Variants in GDI2 observed in about 807,000 individuals in gnomAD.
GDI2 encodes GDP dissociation inhibitor 2.
In GDI2, 22 loss-of-function variants were observed where a neutral mutation model predicts 54.2. The ratio of observed to expected loss-of-function variants is 0.41; its 90% CI spans 0.29 to 0.58. The LOEUF is 0.58. Among genes scored for constraint, GDI2 ranks in the 20% least tolerant of loss-of-function variants. The pLI is 0.35. For missense variants in GDI2, 422 were observed against 546.0 expected, an observed-to-expected ratio of 0.77 and a Z score of 2.26; for synonymous variants, 177 against 182.1, an observed-to-expected ratio of 0.97 and a Z score of 0.23.
rs151066416 is a variant in GDI2, at chr10:5,797,345, G to A, written c.154-483C>T. On this transcript the variant is annotated intron_variant, in intron 2 of 10. Coordinates refer to ENST00000380191, the MANE Select transcript of GDI2 (RefSeq NM_001494.4). Reference sequence around the variant, plus strand: ...GTGGATCAGGAGGTCAGGAGTACAAGAAAAGCCAGGCCAAGATGGTGAAAC... The same window carrying A: ...GTGGATCAGGAGGTCAGGAGTACAAAAAAAGCCAGGCCAAGATGGTGAAAC... Among the ~76,000 whole-genome samples, 563 of 152,138 alleles carry A rather than the reference G, an allele frequency of 3.7e-3. 3 individuals are homozygous for A. The highest frequency in any genetic ancestry group is 5.8e-3 in the Admixed American group (89 of 15,280).
intron 6 of GDI2, among the ~76,000 whole-genome samples, chr10:5,781,687 T>A (rs190475510): frequency 0.022 from 3,346 of 148,806 alleles, 59 homozygotes; most frequent in Non-Finnish European, 0.037. Flanking sequence ...ATTAAAAAAA[T>A]TTTTTCTTTG....
chr10:5,795,541 G>GT (rs898809449), intron 3 of GDI2, among the ~76,000 whole-genome samples: 14 of 151,996 alleles, frequency 9.2e-5, no homozygotes, highest in Admixed American at 4.6e-4. Context: ...GAATACATAG[G>GT]TTTTTTTAAT....
At chr10:5,794,352 G>A (rs1473950128) in intron 4 of GDI2, among the ~76,000 whole-genome samples, 4 of 151,026 alleles carry the variant, frequency 2.6e-5, no homozygotes, top group African/African-American at 9.7e-5. Context: ...ATATAGCGTA[G>A]GGTAAGCTTA....
At chr10:5,808,265 C>G (rs1841415960) in intron 1 of GDI2, among the ~76,000 whole-genome samples, 1 of 152,188 alleles carries the variant, frequency 6.6e-6, no homozygotes, top group Non-Finnish European at 1.5e-5. Context: ...GTTGAGGCTA[C>G]AGTGAGCTGT....
Position 5,768,607 on chromosome 10 carries a change from A to C in GDI2, c.820-223T>G, listed in dbSNP as rs917925382. On this transcript the variant is annotated intron_variant, in intron 7 of 10. Transcript: ENST00000380191. This position sits in a 1 kb window ranked among gnomAD's most constrained non-coding sequence, Gnocchi z 4.4. ...ACTAAAAAGCTACAGTGATCAATTC[A>C]GTGTGGTACTGGCATAATGACAAAC... 3.1e-5 allele frequency: 16 copies of C among 516,960 alleles called. No homozygotes were observed. The highest frequency in any genetic ancestry group is 5.2e-5 in the Non-Finnish European group (15 of 290,006). The allele number at this position is 516,960 out of a possible 1,614,324, so 32.0% of individuals were successfully genotyped here. A position where few individuals can be genotyped will look rare whatever the true frequency, so the allele number is the denominator to read the frequency against.
intron 1 of GDI2, among the ~76,000 whole-genome samples, chr10:5,801,046 G>A (rs1230851726): frequency 6.6e-6 from 1 of 152,062 alleles, no homozygotes; most frequent in African/African-American, 2.4e-5. Flanking sequence ...TACCTCCAAG[G>A]ATTCAAGCAG....
At chr10:5,813,004 G>A (rs868329392) in intron 1 of GDI2, among the ~76,000 whole-genome samples, 2 of 152,010 alleles carry the variant, frequency 1.3e-5, no homozygotes, top group Admixed American at 6.6e-5. Flanking sequence ...CCATTTCCCC[G>A]CCTGCCCCTC....
Position 5,768,608 on chromosome 10 carries a change from G to A in GDI2, c.820-224C>T. 1 of 512,210 alleles carries A rather than the reference G, an allele frequency of 2.0e-6. No individual in the cohort carries two copies. The highest frequency in any genetic ancestry group is 3.5e-6 in the Non-Finnish European group (1 of 287,070). The allele number at this position is 512,210 out of a possible 1,614,324, so 31.7% of individuals were successfully genotyped here. The stretch of plus-strand genomic sequence containing the variant: ...CTAAAAAGCTACAGTGATCAATTCA[G>A]TGTGGTACTGGCATAATGACAAACG... On this transcript the variant is annotated intron_variant, in intron 7 of 10. Coordinates refer to ENST00000380191, the MANE Select transcript of GDI2 (RefSeq NM_001494.4). This position sits in a 1 kb window ranked among gnomAD's most constrained non-coding sequence, Gnocchi z 4.4.
chr10:5,770,365 A>T (rs1295654057), intron 7 of GDI2, among the ~76,000 whole-genome samples: 1 of 152,108 alleles, frequency 6.6e-6, no homozygotes, highest in African/African-American at 2.4e-5. Context: ...GTTCAAGACC[A>T]GCCTGGCCAA....
chr10:5,809,517 C>A (rs1434801837), intron 1 of GDI2, among the ~76,000 whole-genome samples: 1 of 152,088 alleles, frequency 6.6e-6, no homozygotes, highest in African/African-American at 2.4e-5. Context: ...TTTTTAAAGC[C>A]AGCTAAATAT....
At position 5,785,949 on chromosome 10, in the gene GDI2, T is replaced by C. The variant is rs369540308; in HGVS notation, c.490A>G (p.Lys164Glu). The C allele has an allele frequency of 6.2e-7, 1 of 1,610,990 alleles. No individual in the cohort carries two copies. The highest frequency in any genetic ancestry group is 1.1e-5 in the South Asian group (1 of 91,022). Residue 164 changes from lysine (K) to glutamate (E), a missense_variant, in exon 5 of 11, where the codon AAG (lysine) becomes GAG (glutamate). Physicochemically the swap from Lys to Glu is moderately conservative, Grantham distance 56 (BLOSUM62 1). Transcript: ENST00000380191. ...DPRTFEGIDP[K>E]KTTMRDVYKK... ...TACACATCTCGCATTGTGGTCTTCT[T>C]AGGATCAATGCCTTCAAAAGTTCTT...
chr10:5,780,293 CAA>C (rs75631052), intron 6 of GDI2, among the ~76,000 whole-genome samples: 3,813 of 131,908 alleles, frequency 0.029, 111 homozygotes, highest in East Asian at 0.15. Flanking sequence ...AAACCATCTA[CAA>C]AAAAAAAAAA....
chr10:5,792,437 A>G (rs1384201435), intron 4 of GDI2, among the ~76,000 whole-genome samples: 2 of 152,186 alleles, frequency 1.3e-5, no homozygotes, highest in Non-Finnish European at 2.9e-5. Flanking sequence ...ACTGGTACTT[A>G]TCCACCCATC....
chr10:5,813,401 A>C lies in GDI2; in HGVS notation c.-143T>G. On this transcript the variant is annotated 5_prime_UTR_variant, in exon 1 of 11. Transcript: ENST00000380191. ...AAAATGGAGCTGGCGACAAGGCGAGACCGACCGCCACCTCAGACGGGAAGA... is the reference window on the plus strand; with the variant it reads ...AAAATGGAGCTGGCGACAAGGCGAGCCCGACCGCCACCTCAGACGGGAAGA... 5.2e-6 allele frequency: 2 copies of C among 383,162 alleles called. No homozygotes were observed. The highest frequency in any genetic ancestry group is 9.7e-6 in the Non-Finnish European group (2 of 206,052). The allele number at this position is 383,162 out of a possible 1,614,324, so 23.7% of individuals were successfully genotyped here.
intron 6 of GDI2, among the ~76,000 whole-genome samples, chr10:5,781,626 A>AT (rs35423113): frequency 4.4e-5 from 2 of 45,160 alleles, no homozygotes; most frequent in Non-Finnish European, 1.2e-4. Context: ...CTCTGTCTCC[A>AT]AAAAAAAAAA....
chr10:5,810,209 TATG>T (rs1203140279), intron 1 of GDI2, among the ~76,000 whole-genome samples: 2 of 152,142 alleles, frequency 1.3e-5, no homozygotes, highest in African/African-American at 2.4e-5. Flanking sequence ...TTTTTAAACA[TATG>T]ATGCTGAGAA....
chr10:5,779,015 A>C (rs2131690909), intron 6 of GDI2, among the ~76,000 whole-genome samples: 1 of 152,338 alleles, frequency 6.6e-6, no homozygotes, highest in East Asian at 1.9e-4. Flanking sequence ...TCCAAAGAAA[A>C]CAGAAAAACA....
At chr10:5,778,464 C>T (rs1840675586) in intron 6 of GDI2, among the ~76,000 whole-genome samples, 1 of 152,192 alleles carries the variant, frequency 6.6e-6, no homozygotes, top group African/African-American at 2.4e-5. Context: ...GTAAGAGACA[C>T]ACCTTTCTAG....
intron 4 of GDI2, among the ~76,000 whole-genome samples, chr10:5,794,212 T>A (rs867207966): frequency 0.062 from 5,741 of 92,860 alleles, 859 homozygotes; most frequent in Non-Finnish European, 0.1. Flanking sequence ...TATATATATA[T>A]ATATATATAT....
Sources: allele counts gnomAD v4.1 joint callset (sites outside exome capture counted in the v4.1 genomes callset), GRCh38; gene constraint gnomAD v4.1.1; non-coding constraint Gnocchi (gnomAD v3.1); transcripts MANE v1.5; gene names NCBI Gene and HGNC (gene_info 2026-07-23, HGNC 2026-07-21).